Variants in NELL1 observed in about 807,000 individuals in gnomAD.
The protein encoded by NELL1 is neural EGFL like 1, also known as protein kinase C-binding protein NELL1.
NELL1 carries 76 observed loss-of-function variants against 107.4 expected under a neutral mutation model. The observed-to-expected ratio is 0.71, with a 90% CI of 0.59 to 0.86. The LOEUF is 0.86. NELL1 is among the 40% of genes least tolerant of loss of function. The pLI, the probability that NELL1 is intolerant of heterozygous loss-of-function variation, is 0.00. For missense variants in NELL1, 1,024 were observed against 1,005.5 expected (o/e 1.02, Z -0.25); for synonymous variants, 353 against 341.2 (o/e 1.03, Z -0.38).
At chr11:21,432,656 G>A (rs1480146996) in intron 15 of NELL1, among the ~76,000 whole-genome samples, 2 of 152,134 alleles carry the variant, frequency 1.3e-5, no homozygotes. Flanking sequence ...AGATTGGAAG[G>A]AAATAGAGAT....
At chr11:20,706,807 A>G (rs913170672) in intron 2 of NELL1, among the ~76,000 whole-genome samples, 2 of 152,092 alleles carry the variant, frequency 1.3e-5, no homozygotes, top group African/African-American at 4.8e-5. Flanking sequence ...GGCTGTCCTT[A>G]ATATTTTTTC....
intron 15 of NELL1, among the ~76,000 whole-genome samples, chr11:21,395,614 T>A (rs1358623184): frequency 3.3e-5 from 5 of 151,590 alleles, no homozygotes; most frequent in Admixed American, 3.3e-4. Flanking sequence ...AGAAATTTCT[T>A]CATGATACAG....
intron 12 of NELL1, among the ~76,000 whole-genome samples, chr11:21,080,615 T>C (rs904468650): frequency 2.6e-5 from 4 of 152,122 alleles, no homozygotes; most frequent in African/African-American, 9.7e-5. Context: ...TTTCCAGGTT[T>C]ACTTCCAAAA....
chr11:21,474,183 A>C (rs1854261224), intron 15 of NELL1, among the ~76,000 whole-genome samples: 1 of 151,924 alleles, frequency 6.6e-6, no homozygotes, highest in Admixed American at 6.6e-5. Flanking sequence ...TACTCACATT[A>C]ACTTTCTTTA....
intron 3 of NELL1, among the ~76,000 whole-genome samples, chr11:20,823,208 G>A (rs973908639): frequency 1.3e-5 from 2 of 151,398 alleles, no homozygotes; most frequent in African/African-American, 4.8e-5. Context: ...AAGGAGGATC[G>A]AGCTGCATCT....
At chr11:21,001,324 G>A (rs371354807) in intron 12 of NELL1, among the ~76,000 whole-genome samples, 12 of 152,166 alleles carry the variant, frequency 7.9e-5, no homozygotes, top group African/African-American at 2.2e-4. Flanking sequence ...ATTGGAAAGG[G>A]GAGAGGTGGA....
intron 13 of NELL1, among the ~76,000 whole-genome samples, chr11:21,206,671 T>C (rs1857396236): frequency 6.6e-6 from 1 of 152,160 alleles, no homozygotes; most frequent in East Asian, 1.9e-4. Flanking sequence ...CCACAACCAC[T>C]GATGAAGGGG....
chr11:20,990,564 G>A (rs1485895691), intron 12 of NELL1, among the ~76,000 whole-genome samples: 1 of 152,160 alleles, frequency 6.6e-6, no homozygotes, highest in Non-Finnish European at 1.5e-5. Flanking sequence ...GACATTGGTA[G>A]TTTCATTGCA....
intron 13 of NELL1, among the ~76,000 whole-genome samples, chr11:21,173,648 A>G (rs1216347676): frequency 6.6e-6 from 1 of 151,910 alleles, no homozygotes; most frequent in Non-Finnish European, 1.5e-5. Flanking sequence ...AGAGGCAAGC[A>G]CATGAACAGA....
intron 12 of NELL1, among the ~76,000 whole-genome samples, chr11:20,984,585 T>A (rs1251708958): frequency 6.6e-6 from 1 of 152,186 alleles, no homozygotes; most frequent in Non-Finnish European, 1.5e-5. Flanking sequence ...TCACAAATGT[T>A]GGGAAGCTCT....
At chr11:20,731,296 C>G (rs1855634513) in intron 2 of NELL1, among the ~76,000 whole-genome samples, 1 of 152,204 alleles carries the variant, frequency 6.6e-6, no homozygotes, top group African/African-American at 2.4e-5. Flanking sequence ...AAATTACCTG[C>G]TGAGGTTCTG....
intron 12 of NELL1, among the ~76,000 whole-genome samples, chr11:21,030,218 C>A (rs888915769): frequency 6.6e-6 from 1 of 152,084 alleles, no homozygotes; most frequent in Non-Finnish European, 1.5e-5. Context: ...CCTTGCATGT[C>A]GGATGTAGGA....
intron 12 of NELL1, among the ~76,000 whole-genome samples, chr11:21,010,527 C>T (rs1420390092): frequency 2.0e-5 from 3 of 152,098 alleles, no homozygotes; most frequent in African/African-American, 7.2e-5. Flanking sequence ...ATTCTTTGAC[C>T]TAACAGCTGA....
intron 12 of NELL1, among the ~76,000 whole-genome samples, chr11:21,017,467 TCTAATTAC>T (rs1483689687): frequency 6.6e-6 from 1 of 152,080 alleles, no homozygotes; most frequent in African/African-American, 2.4e-5. Flanking sequence ...TATGATTATC[TCTAATTAC>T]CTATTTTTTA....
chr11:21,523,890 T>C (rs1855787088), intron 15 of NELL1, among the ~76,000 whole-genome samples: 1 of 152,136 alleles, frequency 6.6e-6, no homozygotes, highest in Admixed American at 6.6e-5. Context: ...CATATGTGTG[T>C]GTGTGTATAT....
Position 21,036,074 on chromosome 11 carries a change from G to A in NELL1, c.1300+75514G>A, listed in dbSNP as rs181810451. Among the ~76,000 whole-genome samples the A allele has an allele frequency of 9.2e-5, 14 of 151,904 alleles. No homozygotes were observed. The East Asian group carries it at 2.5e-3, about 27-fold the overall frequency. On this transcript the variant is annotated intron_variant, in intron 12 of 19. Coordinates refer to ENST00000357134, the MANE Select transcript of NELL1 (RefSeq NM_006157.5). ...AAAATAAATGTGCAAAAAAATTAAC[G>A]TTACTATGCACCAACAACAGTCAAG...
At chr11:21,342,906 T>C (rs1461914194) in intron 14 of NELL1, among the ~76,000 whole-genome samples, 2 of 152,108 alleles carry the variant, frequency 1.3e-5, no homozygotes. Flanking sequence ...GTTGACTGTG[T>C]TTTTGGTTAG....
At chr11:20,857,314 G>A (rs940493144) in intron 4 of NELL1, among the ~76,000 whole-genome samples, 1 of 152,066 alleles carries the variant, frequency 6.6e-6, no homozygotes, top group African/African-American at 2.4e-5. Context: ...ATAGCCCCCC[G>A]AGTGTTCTTT....
At chr11:21,407,400 A>C (rs1852262333) in intron 15 of NELL1, among the ~76,000 whole-genome samples, 1 of 152,104 alleles carries the variant, frequency 6.6e-6, no homozygotes, top group Non-Finnish European at 1.5e-5. Context: ...TGGGCACCAG[A>C]GTGAGACCCT....
Sources: allele counts gnomAD v4.1 joint callset (sites outside exome capture counted in the v4.1 genomes callset), GRCh38; gene constraint gnomAD v4.1.1; transcripts MANE v1.5; gene names NCBI Gene and HGNC (gene_info 2026-07-23, HGNC 2026-07-21).